Variants in CENPE observed in about 807,000 individuals in gnomAD.
CENPE encodes centromere-associated protein E.
CENPE carries 145 observed loss-of-function variants against 336.1 expected under a neutral mutation model. That is an observed-to-expected ratio of 0.43 (90% CI 0.38 to 0.50). The LOEUF is 0.50. Among genes scored for constraint, CENPE ranks in the 20% least tolerant of loss-of-function variants. CENPE has a pLI of 0.00. For synonymous variants in CENPE, 1,013 were observed against 984.8 expected (o/e 1.03, Z -0.54); for missense variants, 2,719 against 3,023.3 (o/e 0.90, Z 2.36).
chr4:103,192,325 C>T (rs892031044), intron 8 of CENPE, among the ~76,000 whole-genome samples: 9 of 152,090 alleles, frequency 5.9e-5, no homozygotes, highest in Non-Finnish European at 1.0e-4. Flanking sequence ...CATTCATATT[C>T]AAAGATACTC....
chr4:103,191,042 A>G (rs980973389), intron 8 of CENPE, among the ~76,000 whole-genome samples: 3 of 152,236 alleles, frequency 2.0e-5, no homozygotes, highest in Non-Finnish European at 4.4e-5. Flanking sequence ...AGACACACGA[A>G]AAAATGCTCA....
Position 103,182,770 on chromosome 4 carries a change from C to T in CENPE, c.955G>A (p.Ala319Thr). 1 of 1,608,234 alleles carries T rather than the reference C, an allele frequency of 6.2e-7. No individual in the cohort carries two copies. Among genetic ancestry groups the T allele is most frequent in the Non-Finnish European group, 8.5e-7 (1 of 1,177,038 alleles). The change falls in exon 11 of 49, where the codon GCT becomes ACT. Residue 319 changes from alanine (A) to threonine (T), a missense_variant. By Grantham distance (58) the Ala-to-Thr change is moderately conservative. Transcript: ENST00000265148. The stretch of plus-strand genomic sequence containing the variant: ...ATAAAAATCAAACTCACCTGGAGAG[C>T]AGTAAGTGTTTCATCAAAAGATACT... ...TPVSFDETLTALQFASTAKYM... is the reference protein window; with the variant it reads ...TPVSFDETLTTLQFASTAKYM...
chr4:103,167,004 G>C (rs1334656035), intron 16 of CENPE, among the ~76,000 whole-genome samples: 1 of 152,002 alleles, frequency 6.6e-6, no homozygotes, highest in African/African-American at 2.4e-5. Flanking sequence ...CTTAGAAAAT[G>C]AGTGATCTGT....
chr4:103,119,068 C>A (rs1208329252), intron 44 of CENPE, among the ~76,000 whole-genome samples: 4 of 152,184 alleles, frequency 2.6e-5, no homozygotes, highest in Non-Finnish European at 5.9e-5. Context: ...ACAATCATCT[C>A]TCTTCCCACA....
chr4:103,142,778 G>A (rs1275953953), intron 34 of CENPE, among the ~76,000 whole-genome samples: 1 of 152,080 alleles, frequency 6.6e-6, no homozygotes, highest in Non-Finnish European at 1.5e-5. Flanking sequence ...GGGAGGCCGA[G>A]GCGGGTGGAT....
Position 103,148,972 on chromosome 4 carries a change from T to G in CENPE, c.3715A>C (p.Ile1239Leu), listed in dbSNP as rs369033323. Reference sequence around the variant, plus strand: ...TGTTCTTTTAGGTGAATATGAGCAATTTTTAGTTCTTCTTTGGTTTGTAGG... The same window carrying G: ...TGTTCTTTTAGGTGAATATGAGCAAGTTTTAGTTCTTCTTTGGTTTGTAGG... ...TGLQTKEELK[I>L]AHIHLKEHQE... The change falls in exon 28 of 49, where the codon ATT becomes CTT. Residue 1239 changes from isoleucine to leucine, a missense_variant. Around this residue, in one of 5 missense-constraint regions of CENPE, gnomAD observed 2,437 missense variants for 2,513.3 expected, o/e 0.97. Coordinates refer to ENST00000265148, the MANE Select transcript of CENPE (RefSeq NM_001813.3). The G allele has an allele frequency of 1.9e-6, 3 of 1,613,512 alleles. No individual in the cohort carries two copies. Among genetic ancestry groups the G allele is most frequent in the African/African-American group, 2.7e-5 (2 of 74,860 alleles).
At chr4:103,180,257 A>G (rs542984723) in intron 13 of CENPE, 54 bp downstream of exon 13, 22 of 1,480,108 alleles carry the variant, frequency 1.5e-5, no homozygotes, top group Middle Eastern at 3.7e-4. Flanking sequence ...ACATATAGAA[A>G]TACCAATTCT....
At position 103,138,423 on chromosome 4, in the gene CENPE, A is replaced by C; in HGVS notation, c.6231T>G (p.Pro2077=). ...GTCCATCACTTAGTAACCTTTTTTC[A>C]GGTTTTACTTGGTGGTTCTGTCGGT... is the stretch of plus-strand genomic sequence containing the variant. ...ARDRQNHQVK[P]EKRLLSDGQQ... The change falls in exon 39 of 49, where the codon CCT becomes CCG. Residue 2077 remains proline (P), a synonymous_variant. Coordinates refer to ENST00000265148, the MANE Select transcript of CENPE (RefSeq NM_001813.3). 2 of 1,613,518 alleles carry C rather than the reference A, an allele frequency of 1.2e-6. No individual in the cohort carries two copies. The highest frequency in any genetic ancestry group is 1.7e-6 in the Non-Finnish European group (2 of 1,179,534).
At chr4:103,133,986 T>C (rs1285579254) in intron 40 of CENPE, 94 bp from the exon 41 acceptor site, 20 of 770,372 alleles carry the variant, frequency 2.6e-5, no homozygotes, top group Non-Finnish European at 4.1e-5. Context: ...GGATGACATC[T>C]CTTATTTACC....
chr4:103,143,523 C>A, intron 33 of CENPE, 117 bp from the exon 34 acceptor site: 1 of 689,840 alleles, frequency 1.4e-6, no homozygotes, highest in South Asian at 1.7e-5. Context: ...TCCTAGTTCT[C>A]ACCCTCTAAG....
At position 103,144,396 on chromosome 4, in the gene CENPE, C is replaced by T. The variant is rs1373113891; in HGVS notation, c.5080G>A (p.Val1694Met). The change falls in exon 33 of 49, where the codon GTG (valine) becomes ATG (methionine). Residue 1694 changes from valine to methionine, a missense_variant. Physicochemically the swap from Val to Met is conservative, Grantham distance 21. This residue lies in a region of CENPE where 2,437 missense variants were observed against 2,513.3 expected (regional missense o/e 0.97). Coordinates refer to ENST00000265148, the MANE Select transcript of CENPE (RefSeq NM_001813.3). ...VTKERDDLRS[V>M]EETLKVERDQ... is the part of the protein sequence containing the mutation. Reference sequence around the variant, plus strand: ...CTCTCTACTTTGAGAGTCTCCTCCACACTCCTAAGGTCATCTCTTTCTTTT... The same window carrying T: ...CTCTCTACTTTGAGAGTCTCCTCCATACTCCTAAGGTCATCTCTTTCTTTT... 1.2e-6 allele frequency: 2 copies of T among 1,613,834 alleles called. No individual in the cohort carries two copies. The highest frequency in any genetic ancestry group is 1.7e-6 in the Non-Finnish European group (2 of 1,179,912).
Position 103,158,284 on chromosome 4 carries a change from A to G in CENPE, c.3033+16T>C, listed in dbSNP as rs747987084. On this transcript the variant is annotated intron_variant, in intron 24 of 48. Coordinates refer to ENST00000265148, the MANE Select transcript of CENPE (RefSeq NM_001813.3). Reference sequence around the variant, plus strand: ...TATACAAGCATATGAAAACTCTGAAAATAAACACCCTTTACCTTTTGCTGA... The same window carrying G: ...TATACAAGCATATGAAAACTCTGAAGATAAACACCCTTTACCTTTTGCTGA... 4.2e-5 allele frequency: 67 copies of G among 1,579,994 alleles called. No individual in the cohort carries two copies. The highest frequency in any genetic ancestry group is 5.7e-5 in the Non-Finnish European group (66 of 1,166,082).
At position 103,158,669 on chromosome 4, in the gene CENPE, C is replaced by T; in HGVS notation, c.2819G>A (p.Ser940Asn). 6.2e-7 allele frequency: 1 copy of T among 1,610,742 alleles called. No individual in the cohort carries two copies. Among genetic ancestry groups the T allele is most frequent in the East Asian group, 2.2e-5 (1 of 44,832 alleles). ...EKDDLKQLQE[S>N]LQIERDQLKS... Reference sequence around the variant, plus strand: ...GAGTTGGTCCCTCTCAATTTGCAAGCTTTCTTGGAGTTGTTTTAGATCATC... The same window carrying T: ...GAGTTGGTCCCTCTCAATTTGCAAGTTTTCTTGGAGTTGTTTTAGATCATC... The change falls in exon 23 of 49, where the codon AGC (serine) becomes AAC (asparagine). Residue 940 changes from serine (S) to asparagine (N), a missense_variant. Coordinates refer to ENST00000265148, the MANE Select transcript of CENPE (RefSeq NM_001813.3).
intron 42 of CENPE, among the ~76,000 whole-genome samples, chr4:103,130,917 A>C (rs1167970699): frequency 6.6e-6 from 1 of 151,730 alleles, no homozygotes; most frequent in Non-Finnish European, 1.5e-5. Flanking sequence ...AAGCGAAAAA[A>C]AAAAAAAAAA....
At chr4:103,125,298 C>T (rs1750992465) in intron 42 of CENPE, among the ~76,000 whole-genome samples, 1 of 152,166 alleles carries the variant, frequency 6.6e-6, no homozygotes, top group Non-Finnish European at 1.5e-5. Context: ...GCTACCATTG[C>T]TCCAATTTAA....
At chr4:103,182,230 T>A (rs1040189427) in intron 11 of CENPE, among the ~76,000 whole-genome samples, 1 of 152,210 alleles carries the variant, frequency 6.6e-6, no homozygotes, top group Non-Finnish European at 1.5e-5. Context: ...TAGCTGGGAT[T>A]ACAGGCATGT....
chr4:103,141,158 AAT>A, intron 35 of CENPE, 54 bp from the exon 36 acceptor site: 1 of 1,020,300 alleles, frequency 9.8e-7, no homozygotes, highest in Non-Finnish European at 1.4e-6. Flanking sequence ...ACAGATAAAT[AAT>A]AGTTTCTAAA....
At chr4:103,175,787 T>G (rs1198765013) in intron 15 of CENPE, among the ~76,000 whole-genome samples, 173 bp downstream of exon 15, 1 of 152,132 alleles carries the variant, frequency 6.6e-6, no homozygotes, top group Non-Finnish European at 1.5e-5. Flanking sequence ...CTTATGAAAT[T>G]TTTAGCCTTC....
At chr4:103,163,359 A>C in intron 17 of CENPE, 103 bp from the exon 18 acceptor site, 1 of 1,277,584 alleles carries the variant, frequency 7.8e-7, no homozygotes, top group Non-Finnish European at 1.1e-6. Flanking sequence ...AGTAAAATTC[A>C]AAGTCACTAA....
Sources: allele counts gnomAD v4.1 joint callset (sites outside exome capture counted in the v4.1 genomes callset), GRCh38; gene constraint gnomAD v4.1.1; regional missense constraint gnomAD v4.1.1; transcripts MANE v1.5; gene names NCBI Gene and HGNC (gene_info 2026-07-23, HGNC 2026-07-21).